GABRG2: variants seen among roughly 807,000 people sequenced by gnomAD.
GABRG2 encodes the protein gamma-aminobutyric acid type A receptor subunit gamma2, also known as gamma-aminobutyric acid receptor subunit gamma-2.
A neutral mutation model predicts 56.4 loss-of-function variants in GABRG2; 16 were observed. The observed-to-expected ratio is 0.28, with a 90% confidence interval of 0.19 to 0.43. GABRG2 has a LOEUF of 0.43. Among genes scored for constraint, GABRG2 ranks in the 20% least tolerant of loss-of-function variants. The pLI is 1.00. For missense variants in GABRG2, 327 were observed against 582.7 expected, an observed-to-expected ratio of 0.56 and a Z score of 4.52; for synonymous variants, 208 against 205.5, an observed-to-expected ratio of 1.01 and a Z score of -0.10.
chr5:162,085,390 T>C (rs1415127963), intron 1 of GABRG2, among the ~76,000 whole-genome samples: 1 of 151,910 alleles, frequency 6.6e-6, no homozygotes, highest in Non-Finnish European at 1.5e-5. Context: ...TGAGAAATAT[T>C]CCAGTTTAAT....
At chr5:162,109,108 TG>T (rs1458858664) in intron 6 of GABRG2, among the ~76,000 whole-genome samples, 1 of 152,020 alleles carries the variant, frequency 6.6e-6, no homozygotes, top group Admixed American at 6.6e-5. Flanking sequence ...TGGATGAAGC[TG>T]GAAACCATCA....
intron 1 of GABRG2, 76 bp downstream of exon 1, chr5:162,068,182 A>G: frequency 1.0e-6 from 1 of 961,020 alleles, no homozygotes; most frequent in Non-Finnish European, 1.7e-6. Context: ...AACTCGGGAG[A>G]CCACCCAGAT....
At chr5:162,109,389 AATAT>A (rs535370579) in intron 6 of GABRG2, among the ~76,000 whole-genome samples, 1,598 of 116,180 alleles carry the variant, frequency 0.014, 29 homozygotes, top group Middle Eastern at 0.028. Context: ...CTTAAAGTAT[AATAT>A]ATATATATAT....
intron 1 of GABRG2, among the ~76,000 whole-genome samples, chr5:162,089,609 G>T (rs1335362787): frequency 6.6e-6 from 1 of 152,056 alleles, no homozygotes; most frequent in East Asian, 1.9e-4. Context: ...TGACACCAAT[G>T]TTATGAAAGG....
chr5:162,076,038 G>A (rs1473683113), intron 1 of GABRG2, among the ~76,000 whole-genome samples: 2 of 151,974 alleles, frequency 1.3e-5, no homozygotes. Flanking sequence ...TGTGGTCCTA[G>A]CTTCTTGGGA....
rs1581350860 is a variant in GABRG2, at chr5:162,097,730, C to T, written c.420C>T (p.Asn140=). The T allele has an allele frequency of 3.1e-6, 5 of 1,613,682 alleles. No individual in the cohort carries two copies. The African/African-American group carries it at 4.0e-5, about 13-fold the overall frequency. Residue 140 remains asparagine (N), a synonymous_variant, in exon 4 of 10, where the codon AAC becomes AAT. Transcript: ENST00000639213. ...STIKVLRLNS[N]MVGKIWIPDT... ...TTAAAGTCCTCCGATTGAACAGCAA[C>T]ATGGTGGGGAAAATCTGGATTCCAG...
intron 6 of GABRG2, among the ~76,000 whole-genome samples, chr5:162,131,188 C>G (rs920439838): frequency 1.3e-5 from 2 of 152,006 alleles, no homozygotes; most frequent in Non-Finnish European, 2.9e-5. Context: ...GTGTCCCCCA[C>G]AGCAAGTCCA....
chr5:162,145,387 C>A (rs887474823), intron 7 of GABRG2, among the ~76,000 whole-genome samples: 1 of 152,130 alleles, frequency 6.6e-6, no homozygotes, highest in Non-Finnish European at 1.5e-5. Context: ...TTACTTCATG[C>A]CAAGACTGGA....
chr5:162,141,871 T>C (rs1470816678), intron 6 of GABRG2, among the ~76,000 whole-genome samples: 2 of 151,930 alleles, frequency 1.3e-5, no homozygotes, highest in East Asian at 1.9e-4. Flanking sequence ...ATAATGTTTG[T>C]GAAGTAGGAA....
In GABRG2 at chr5:162,093,901, G is replaced by T; in HGVS notation, c.181G>T (p.Val61Phe). 2.5e-6 allele frequency: 4 copies of T among 1,613,288 alleles called. No individual in the cohort carries two copies. The highest frequency in any genetic ancestry group is 3.4e-6 in the Non-Finnish European group (4 of 1,179,504). ...CAAAACATGGGTCTTGACTCCAAAA[G>T]TTCCTGAGGGTGATGTCACTGTCAT... is the stretch of plus-strand genomic sequence containing the variant. ...SNKTWVLTPK[V>F]PEGDVTVILN... Residue 61 changes from valine to phenylalanine, a missense_variant, in exon 2 of 10, where the codon GTT (valine) becomes TTT (phenylalanine). Coordinates refer to ENST00000639213, the MANE Select transcript of GABRG2 (RefSeq NM_198904.4).
chr5:162,068,563 C>G (rs1758412749), intron 1 of GABRG2, among the ~76,000 whole-genome samples: 1 of 151,822 alleles, frequency 6.6e-6, no homozygotes, highest in Admixed American at 6.6e-5. Flanking sequence ...CGGCCCTGTT[C>G]CTGTGTACTA....
chr5:162,105,499 TG>T lies in GABRG2; in HGVS notation c.769+1474del, dbSNP rs2113380410. On this transcript the variant is annotated intron_variant, in intron 6 of 9. Coordinates refer to ENST00000639213, the MANE Select transcript of GABRG2 (RefSeq NM_198904.4). ...GGCTGGAGTGCAGTGGCGAGATCTC[TG>T]CTCACTGCAAGCTCTGCCTCCCGAG... Among the ~76,000 whole-genome samples, 2 of 140,192 alleles carry T rather than the reference TG, an allele frequency of 1.4e-5. 1 individual carries two copies. The highest frequency in any genetic ancestry group is 4.7e-4 in the South Asian group (2 of 4,276). The allele number at this position is 140,192 out of a possible 152,430, so 92.0% of individuals were successfully genotyped here. A position where few individuals can be genotyped will look rare whatever the true frequency, so the allele number is the denominator to read the frequency against.
At chr5:162,110,168 C>A (rs1249316875) in intron 6 of GABRG2, among the ~76,000 whole-genome samples, 1 of 151,990 alleles carries the variant, frequency 6.6e-6, no homozygotes, top group Non-Finnish European at 1.5e-5. Context: ...AATCTGTGTA[C>A]CACTAAATTT....
chr5:162,101,204 T>C (rs752566687), intron 4 of GABRG2, 31 bp from the exon 5 acceptor site: 5 of 1,396,426 alleles, frequency 3.6e-6, no homozygotes, highest in South Asian at 3.5e-5. Context: ...ATGTCTAAAA[T>C]CCATCTTATG....
In GABRG2 at chr5:162,067,909, C is replaced by T. The variant is rs1758339822; in HGVS notation, c.-91C>T. On this transcript the variant is annotated 5_prime_UTR_variant, in exon 1 of 10. Transcript: ENST00000639213. ...ACTAGAGGCAGGTGGGGGGAGCCACCATCAGATCATAAGCATAAGAATAAT... is the reference window on the plus strand; with the variant it reads ...ACTAGAGGCAGGTGGGGGGAGCCACTATCAGATCATAAGCATAAGAATAAT... 2 of 889,238 alleles carry T rather than the reference C, an allele frequency of 2.2e-6. No homozygotes were observed. The highest frequency in any genetic ancestry group is 1.3e-5 in the South Asian group (1 of 74,628). The allele number at this position is 889,238 out of a possible 1,614,324, so 55.1% of individuals were successfully genotyped here. A position where few individuals can be genotyped will look rare whatever the true frequency, so the allele number is the denominator to read the frequency against.
intron 1 of GABRG2, among the ~76,000 whole-genome samples, chr5:162,073,908 T>G (rs1173450832): frequency 2.0e-5 from 3 of 152,024 alleles, no homozygotes; most frequent in African/African-American, 7.2e-5. Context: ...GATCCTTTAC[T>G]ATTGGCTGTA....
chr5:162,139,621 G>A (rs1181222835), intron 6 of GABRG2, among the ~76,000 whole-genome samples: 8 of 152,150 alleles, frequency 5.3e-5, no homozygotes, highest in Non-Finnish European at 1.0e-4. Flanking sequence ...TAATTATCTT[G>A]TTAACTTTGG....
intron 4 of GABRG2, chr5:162,099,112 A>G (rs977906064): frequency 4.6e-5 from 7 of 152,164 alleles, no homozygotes; most frequent in Non-Finnish European, 1.0e-4. Context: ...TGCTCAACAT[A>G]CAAAATATAA....
chr5:162,133,113 A>G (rs981492096), intron 6 of GABRG2, among the ~76,000 whole-genome samples: 1 of 151,944 alleles, frequency 6.6e-6, no homozygotes. Context: ...CTACTTTACT[A>G]TTACTCCTGA....
Sources: allele counts gnomAD v4.1 joint callset (sites outside exome capture counted in the v4.1 genomes callset), GRCh38; gene constraint gnomAD v4.1.1; transcripts MANE v1.5; gene names NCBI Gene and HGNC (gene_info 2026-07-23, HGNC 2026-07-21).